The following SYK variants were observed in gnomAD, a reference collection of about 807,000 sequenced individuals.
The protein encoded by SYK is spleen associated tyrosine kinase, also known as tyrosine-protein kinase SYK.
A neutral mutation model predicts 77.8 loss-of-function variants in SYK; 16 were observed. The observed-to-expected ratio is 0.21, with a 90% CI of 0.14 to 0.31. SYK has a LOEUF of 0.31. SYK is among the 10% of genes least tolerant of loss of function. SYK has a pLI of 1.00. For missense variants in SYK, 529 were observed against 814.4 expected, an observed-to-expected ratio of 0.65 and a Z score of 4.26; for synonymous variants, 312 against 308.7, an observed-to-expected ratio of 1.01 and a Z score of -0.11.
At chr9:90,878,166 T>C (rs577062403) in intron 10 of SYK, among the ~76,000 whole-genome samples, 25 of 152,360 alleles carry the variant, frequency 1.6e-4, no homozygotes, top group Admixed American at 5.2e-4. Flanking sequence ...TTAAGTCTTA[T>C]CTGTTTGGCT....
chr9:90,807,239 G>A lies in SYK; in HGVS notation c.-42+5346G>A, dbSNP rs566447790. On this transcript the variant is annotated intron_variant, in intron 1 of 13. Coordinates refer to ENST00000375754, the MANE Select transcript of SYK (RefSeq NM_003177.7). ...TGCCACAGCCTCTTTGGGAAACCATGCATGACCTCTTGCTGCTCCTTACCA... is the reference window on the plus strand; with the variant it reads ...TGCCACAGCCTCTTTGGGAAACCATACATGACCTCTTGCTGCTCCTTACCA... Among the ~76,000 whole-genome samples, 138 of 152,298 alleles carry A rather than the reference G, an allele frequency of 9.1e-4. 1 individual carries two copies. Among genetic ancestry groups the A allele is most frequent in the Middle Eastern group, 6.8e-3 (2 of 294 alleles).
intron 3 of SYK, among the ~76,000 whole-genome samples, chr9:90,854,446 G>A (rs1488302845): frequency 6.6e-6 from 1 of 152,174 alleles, no homozygotes; most frequent in African/African-American, 2.4e-5. Flanking sequence ...TGGGAAGCCT[G>A]CAGGCTTGGT....
chr9:90,875,923 A>C (rs1374265787), intron 9 of SYK, among the ~76,000 whole-genome samples: 2 of 152,144 alleles, frequency 1.3e-5, no homozygotes, highest in African/African-American at 2.4e-5. Flanking sequence ...TTTTGTAAAA[A>C]AAAAATTCGT....
intron 1 of SYK, among the ~76,000 whole-genome samples, chr9:90,826,274 G>A (rs290975): frequency 0.13 from 19,917 of 152,200 alleles, 1,688 homozygotes; most frequent in East Asian, 0.44. Context: ...TCGATGACCA[G>A]GTCTGTGAAT....
intron 1 of SYK, among the ~76,000 whole-genome samples, chr9:90,817,424 T>C (rs954572869): frequency 3.3e-5 from 5 of 152,162 alleles, no homozygotes; most frequent in Admixed American, 1.3e-4. Context: ...TTTCTCAAGC[T>C]CCACAGATCC....
chr9:90,855,966 G>T (rs72729065), intron 3 of SYK, among the ~76,000 whole-genome samples: 12,499 of 152,244 alleles, frequency 0.082, 536 homozygotes, highest in South Asian at 0.17. Flanking sequence ...TCATTGGAGG[G>T]TCTGTAACTG....
chr9:90,819,735 CT>C lies in SYK; in HGVS notation c.-42+17843del, dbSNP rs1159015966. On this transcript the variant is annotated intron_variant, in intron 1 of 13. Coordinates refer to ENST00000375754, the MANE Select transcript of SYK (RefSeq NM_003177.7). Reference sequence around the variant, plus strand: ...CACAGCCAAATCATATCACCCACCCCTGGCCCCTTCAAATCTCATGTCCTCA... The same window carrying C: ...CACAGCCAAATCATATCACCCACCCCGGCCCCTTCAAATCTCATGTCCTCA... Among the ~76,000 whole-genome samples, 3 of 152,222 alleles carry C rather than the reference CT, an allele frequency of 2.0e-5. No individual in the cohort carries two copies. The East Asian group carries it at 5.8e-4, about 29-fold the overall frequency.
At chr9:90,854,359 A>C (rs1826939340) in intron 3 of SYK, among the ~76,000 whole-genome samples, 2 of 152,132 alleles carry the variant, frequency 1.3e-5, no homozygotes, top group African/African-American at 4.8e-5. Flanking sequence ...AGAGAAACTG[A>C]GTCAGAGAGG....
intron 7 of SYK, 136 bp from the exon 8 acceptor site, chr9:90,874,068 G>GC: frequency 1.3e-6 from 1 of 745,678 alleles, no homozygotes; most frequent in East Asian, 2.7e-5. Flanking sequence ...TTTCTTCCCT[G>GC]TTTTTCGTAA....
chr9:90,821,659 A>G lies in SYK; in HGVS notation c.-42+19766A>G, dbSNP rs145025165. Reference sequence around the variant, plus strand: ...CCAAACCATATCACAGAGTGGCACAAAATTTTAGCCACATGCATATTCCAG... The same window carrying G: ...CCAAACCATATCACAGAGTGGCACAGAATTTTAGCCACATGCATATTCCAG... On this transcript the variant is annotated intron_variant, in intron 1 of 13. Coordinates refer to ENST00000375754, the MANE Select transcript of SYK (RefSeq NM_003177.7). Among the ~76,000 whole-genome samples, 419 of 152,346 alleles carry G rather than the reference A, an allele frequency of 2.8e-3. 1 individual carries two copies. Among genetic ancestry groups the G allele is most frequent in the Non-Finnish European group, 4.4e-3 (299 of 68,018 alleles).
intron 13 of SYK, among the ~76,000 whole-genome samples, chr9:90,893,646 C>T (rs974594221): frequency 6.6e-6 from 1 of 152,152 alleles, no homozygotes; most frequent in Admixed American, 6.5e-5. Context: ...GCCAGGAACC[C>T]AGGATAAAGA....
At chr9:90,893,538 C>T (rs2119003461) in intron 13 of SYK, among the ~76,000 whole-genome samples, 1 of 152,232 alleles carries the variant, frequency 6.6e-6, no homozygotes, top group Non-Finnish European at 1.5e-5. Context: ...CTCATTAGCA[C>T]AAACCCAGGT....
chr9:90,808,055 T>C (rs1003958029), intron 1 of SYK, among the ~76,000 whole-genome samples: 1 of 152,190 alleles, frequency 6.6e-6, no homozygotes, highest in African/African-American at 2.4e-5. Context: ...AGAATAGGCA[T>C]GTCGATTTTT....
intron 3 of SYK, among the ~76,000 whole-genome samples, chr9:90,857,726 C>A (rs1316299252): frequency 6.6e-6 from 1 of 152,216 alleles, no homozygotes; most frequent in African/African-American, 2.4e-5. Flanking sequence ...CTTCCCCTCT[C>A]CCAGCTCTCT....
At chr9:90,819,850 A>G (rs62559064) in intron 1 of SYK, among the ~76,000 whole-genome samples, 8,681 of 152,280 alleles carry the variant, frequency 0.057, 332 homozygotes, top group Non-Finnish European at 0.086. Flanking sequence ...TCCAAGTTTC[A>G]TCTGAGACAA....
chr9:90,823,728 T>A (rs1825589203), intron 1 of SYK, among the ~76,000 whole-genome samples: 2 of 152,028 alleles, frequency 1.3e-5, no homozygotes, highest in African/African-American at 4.8e-5. Flanking sequence ...TTATCAAAAA[T>A]TTTGGAATGT....
chr9:90,871,521 T>C (rs1827725564), intron 7 of SYK, among the ~76,000 whole-genome samples: 2 of 152,186 alleles, frequency 1.3e-5, no homozygotes, highest in African/African-American at 4.8e-5. Flanking sequence ...AATTTTTCTT[T>C]TTAACTGAGC....
chr9:90,887,810 A>G lies in SYK; in HGVS notation c.1643A>G (p.Lys548Arg). The G allele has an allele frequency of 1.2e-6, 2 of 1,613,710 alleles. No individual in the cohort carries two copies. The highest frequency in any genetic ancestry group is 2.7e-5 in the African/African-American group (2 of 74,984). ...WYAPECINYY[K>R]FSSKSDVWSF... ...GCTCCGGAATGCATCAACTACTACA[A>G]GTTCTCCAGCAAAAGCGATGTCTGG... Residue 548 changes from lysine to arginine, a missense_variant, in exon 12 of 14, where the codon AAG becomes AGG. Around this residue, in one of 2 missense-constraint regions of SYK, gnomAD observed 208 missense variants for 381.3 expected, o/e 0.55. Coordinates refer to ENST00000375754, the MANE Select transcript of SYK (RefSeq NM_003177.7).
At chr9:90,880,563 T>C (rs1424607845) in intron 11 of SYK, among the ~76,000 whole-genome samples, 2 of 152,160 alleles carry the variant, frequency 1.3e-5, no homozygotes. Context: ...TACCTCATCA[T>C]GATCATTACA....
Sources: allele counts gnomAD v4.1 joint callset (sites outside exome capture counted in the v4.1 genomes callset), GRCh38; gene constraint gnomAD v4.1.1; regional missense constraint gnomAD v4.1.1; transcripts MANE v1.5; gene names NCBI Gene and HGNC (gene_info 2026-07-23, HGNC 2026-07-21).